The following DSPP variants were observed in gnomAD, a reference collection of about 807,000 sequenced individuals.
The protein encoded by DSPP is dentin sialophosphoprotein.
DSPP carries 28 observed loss-of-function variants against 29.1 expected under a neutral mutation model. That is an observed-to-expected ratio of 0.96 (90% CI 0.71 to 1.32). DSPP has a LOEUF of 1.32. Ranked by LOEUF, DSPP falls within the 40% of genes most tolerant of loss-of-function variation. The probability of loss-of-function intolerance (pLI) is 0.00; values close to 1 mark genes in which losing one functional copy is unlikely to be tolerated. For synonymous variants in DSPP, 481 were observed against 503.4 expected, an observed-to-expected ratio of 0.96 and a Z score of 0.60; for missense variants, 1,281 against 1,629.9, an observed-to-expected ratio of 0.79 and a Z score of 3.69.
rs1445760618 is a variant in DSPP, at chr4:87,615,256, G to A, written c.2594G>A (p.Ser865Asn). Reference protein sequence around the residue: ...SSNRSDSSNSSDSSDSSDSSN... With the variant: ...SSNRSDSSNSNDSSDSSDSSN... ...AATAGAAGTGACAGTAGTAATAGTA[G>A]TGACAGCAGCGATAGCAGTGACAGC... The change falls in exon 5 of 5, where the codon AGT (serine) becomes AAT (asparagine). Residue 865 changes from serine to asparagine, a missense_variant. Transcript: ENST00000651931. The A allele has an allele frequency of 6.5e-7, 1 of 1,544,994 alleles. No homozygotes were observed. Among genetic ancestry groups the A allele is most frequent in the Non-Finnish European group, 8.7e-7 (1 of 1,144,974 alleles).
rs1303003085 is a variant in DSPP, at chr4:87,614,230, A to G, written c.1568A>G (p.Asn523Ser). ...DDSDSTSDTN[N>S]SDSNGNGNNG... ...AGTGATAGCACATCAGACACTAATA[A>G]TAGTGACAGTAATGGCAATGGTAAC... The change falls in exon 5 of 5, where the codon AAT becomes AGT. Residue 523 changes from asparagine (N) to serine (S), a missense_variant. Asn to Ser is a conservative substitution (Grantham distance 46, BLOSUM62 1). Transcript: ENST00000651931. 1.4e-5 allele frequency: 23 copies of G among 1,614,266 alleles called. No individual in the cohort carries two copies. Among genetic ancestry groups the G allele is most frequent in the African/African-American group, 4.0e-5 (3 of 75,074 alleles).
In DSPP at chr4:87,614,040, A is replaced by T. The variant is rs370744424; in HGVS notation, c.1378A>T (p.Met460Leu). ...YDSYDFDDKS[M>L]QGDDPNSSDE... ...CAGTTATGATTTTGATGATAAGTCCATGCAAGGAGATGATCCCAATAGCAG... is the reference window on the plus strand; with the variant it reads ...CAGTTATGATTTTGATGATAAGTCCTTGCAAGGAGATGATCCCAATAGCAG... The change falls in exon 5 of 5, where the codon ATG (methionine) becomes TTG (leucine). Residue 460 changes from methionine to leucine, a missense_variant. Met to Leu is a conservative substitution (Grantham distance 15). This residue lies in a region of DSPP where 631 missense variants were observed against 643.2 expected (regional missense o/e 0.98). Transcript: ENST00000651931. 37 of 1,614,268 alleles carry T rather than the reference A, an allele frequency of 2.3e-5. No homozygotes were observed. The highest frequency in any genetic ancestry group is 2.0e-4 in the East Asian group (9 of 44,884).
At position 87,612,385 on chromosome 4, in the gene DSPP, G is replaced by C; in HGVS notation, c.199G>C (p.Gly67Arg). ...SGVLVHEGDR[G>R]RQENTQDGHK... is the part of the protein sequence containing the mutation. ...TGTCCTGGTGCATGAAGGTGATAGAGGAAGGCAAGAGAATACCCAAGATGG... is the reference window on the plus strand; with the variant it reads ...TGTCCTGGTGCATGAAGGTGATAGACGAAGGCAAGAGAATACCCAAGATGG... Residue 67 changes from glycine (G) to arginine (R), a missense_variant, in exon 4 of 5, where the codon GGA becomes CGA. By Grantham distance (125) the Gly-to-Arg change is moderately radical. This residue lies in a region of DSPP where 631 missense variants were observed against 643.2 expected (regional missense o/e 0.98). Coordinates refer to ENST00000651931, the MANE Select transcript of DSPP (RefSeq NM_014208.3). 1 of 1,614,072 alleles carries C rather than the reference G, an allele frequency of 6.2e-7. No homozygotes were observed. Among genetic ancestry groups the C allele is most frequent in the Non-Finnish European group, 8.5e-7 (1 of 1,180,010 alleles).
In DSPP at chr4:87,614,888, C is replaced by T. The variant is rs1243725271; in HGVS notation, c.2226C>T (p.Asp742=). ...GCAGTGACAGCAGCAACAGCAGTGA[C>T]AGCAGTGATAGCAGTGACAGCAGCA... ...SDSSDSSNSS[D]SSDSSDSSNS... is the part of the protein sequence containing the mutation. Residue 742 remains aspartate (D), a synonymous_variant, in exon 5 of 5, where the codon GAC becomes GAT. Transcript: ENST00000651931. 3.9e-6 allele frequency: 6 copies of T among 1,548,512 alleles called. No homozygotes were observed. Among genetic ancestry groups the T allele is most frequent in the African/African-American group, 1.4e-5 (1 of 72,860 alleles).
At position 87,612,524 on chromosome 4, in the gene DSPP, C is replaced by A; in HGVS notation, c.338C>A (p.Thr113Lys). Residue 113 changes from threonine (T) to lysine (K), a missense_variant, in exon 4 of 5, where the codon ACA becomes AAA. By Grantham distance (78) the Thr-to-Lys change is moderately conservative. Transcript: ENST00000651931. ...EGNIEGWNGD[T>K]GKAETYGHDG... The stretch of plus-strand genomic sequence containing the variant: ...AATATTGAGGGCTGGAATGGGGACA[C>A]AGGAAAAGCAGAAACATATGGTCAT... 1 of 1,613,908 alleles carries A rather than the reference C, an allele frequency of 6.2e-7. No homozygotes were observed. The highest frequency in any genetic ancestry group is 8.5e-7 in the Non-Finnish European group (1 of 1,179,946).
In DSPP at chr4:87,608,769, G is replaced by A. The variant is rs1024777896; in HGVS notation, c.-29+149G>A. The A allele has an allele frequency of 2.6e-5, 4 of 152,138 alleles. No individual in the cohort carries two copies. The East Asian group carries it at 7.7e-4, about 29-fold the overall frequency. 9.4% of individuals were successfully genotyped at this position (152,138 alleles called of 1,614,324 possible). ...TCCTTTTTGACTTGTCATATTGATA[G>A]TATGTATAAAAGATAACGGACAATT... is the stretch of plus-strand genomic sequence containing the variant. On this transcript the variant is annotated intron_variant, in intron 1 of 4. Coordinates refer to ENST00000651931, the MANE Select transcript of DSPP (RefSeq NM_014208.3).
chr4:87,612,421 G>A lies in DSPP; in HGVS notation c.235G>A (p.Glu79Lys), dbSNP rs748231789. The change falls in exon 4 of 5, where the codon GAA (glutamate) becomes AAA (lysine). Residue 79 changes from glutamate (E) to lysine (K), a missense_variant. Transcript: ENST00000651931. ...GAATACCCAAGATGGTCACAAGGGA[G>A]AAGGGAATGGCTCTAAGTGGGCAGA... ...QENTQDGHKG[E>K]GNGSKWAEVG... 1 of 1,614,052 alleles carries A rather than the reference G, an allele frequency of 6.2e-7. No individual in the cohort carries two copies. The highest frequency in any genetic ancestry group is 1.7e-5 in the Admixed American group (1 of 59,994).
intron 1 of DSPP, among the ~76,000 whole-genome samples, chr4:87,609,699 C>T: frequency 6.6e-6 from 1 of 152,158 alleles, no homozygotes; most frequent in Non-Finnish European, 1.5e-5. Flanking sequence ...ATTTTCACTA[C>T]CACCATTAAA....
Position 87,615,046 on chromosome 4 carries a change from G to A in DSPP, c.2384G>A (p.Ser795Asn). Residue 795 changes from serine (S) to asparagine (N), a missense_variant, in exon 5 of 5, where the codon AGT (serine) becomes AAT (asparagine). By Grantham distance (46) the Ser-to-Asn change is conservative. This residue lies in a region of DSPP where 444 missense variants were observed against 611.4 expected (regional missense o/e 0.73). Coordinates refer to ENST00000651931, the MANE Select transcript of DSPP (RefSeq NM_014208.3). ...SNDSSNSSDS[S>N]DSSNSSDSSN... Reference sequence around the variant, plus strand: ...GACAGCAGCAATAGCAGTGACAGCAGTGATAGCAGCAACAGCAGTGATAGC... The same window carrying A: ...GACAGCAGCAATAGCAGTGACAGCAATGATAGCAGCAACAGCAGTGATAGC... 1 of 1,550,534 alleles carries A rather than the reference G, an allele frequency of 6.4e-7. No individual in the cohort carries two copies. The highest frequency in any genetic ancestry group is 8.7e-7 in the Non-Finnish European group (1 of 1,146,428).
intron 2 of DSPP, 62 bp downstream of exon 2, chr4:87,611,021 A>G (rs994468032): frequency 7.2e-7 from 1 of 1,380,298 alleles, no homozygotes; most frequent in African/African-American, 1.7e-5. Context: ...TAACATTAAT[A>G]CAAAATGTAG....
Position 87,612,288 on chromosome 4 carries a change from A to G in DSPP, c.136-34A>G, listed in dbSNP as rs781728187. 2.2e-5 allele frequency: 36 copies of G among 1,613,156 alleles called. No homozygotes were observed. In the South Asian group the frequency reaches 3.2e-4, roughly 14 times the overall value. ...AATTTGCTTTCCTTCAAGATCATTGATACTTATAATTGATTGAATTGTTTC... is the reference window on the plus strand; with the variant it reads ...AATTTGCTTTCCTTCAAGATCATTGGTACTTATAATTGATTGAATTGTTTC... On this transcript the variant is annotated intron_variant, in intron 3 of 4. Transcript: ENST00000651931.
rs369587098 is a variant in DSPP at position 87,616,449 on chromosome 4, T to G, written c.3787T>G (p.Ser1263Ala). Residue 1263 changes from serine (S) to alanine (A), a missense_variant, in exon 5 of 5, where the codon TCT (serine) becomes GCT (alanine). Physicochemically the swap from Ser to Ala is moderately conservative, Grantham distance 99. Transcript: ENST00000651931. ...SDSSDSSDST[S>A]DSNDESDSQS... is the part of the protein sequence containing the mutation. ...CAGCAGTGATAGCAGTGACAGCACA[T>G]CTGACAGCAATGATGAGAGTGACAG... 6.4e-7 allele frequency: 1 copy of G among 1,550,914 alleles called. No homozygotes were observed. The highest frequency in any genetic ancestry group is 2.0e-5 in the Admixed American group (1 of 50,968).
intron 1 of DSPP, among the ~76,000 whole-genome samples, chr4:87,609,894 G>T (rs1173991977): frequency 6.6e-6 from 1 of 152,082 alleles, no homozygotes; most frequent in Admixed American, 6.5e-5. Context: ...ACATGTTTTA[G>T]ACCATTTCTG....
chr4:87,613,644 C>T (rs531649328), intron 4 of DSPP, 141 bp from the exon 5 acceptor site: 1 of 1,270,838 alleles, frequency 7.9e-7, no homozygotes, highest in East Asian at 2.3e-5. Flanking sequence ...GAATAAAGCA[C>T]ATTTTCACAA....
At position 87,615,926 on chromosome 4, in the gene DSPP, TGACAGC is replaced by T; in HGVS notation, c.3265_3270del (p.Asp1089_Ser1090del). On this transcript the variant is annotated inframe_deletion, in exon 5 of 5. Coordinates refer to ENST00000651931, the MANE Select transcript of DSPP (RefSeq NM_014208.3). ...ATAGCAGTGAAAGCAGTGATAGCAG[TGACAGC>T]AGCAATAGCAGTGACAGCAGCGATA... is the stretch of plus-strand genomic sequence containing the variant. 4.2e-5 allele frequency: 6 copies of T among 144,456 alleles called. No individual in the cohort carries two copies. Among genetic ancestry groups the T allele is most frequent in the Non-Finnish European group, 1.9e-5 (2 of 107,522 alleles). 8.9% of individuals were successfully genotyped at this position (144,456 alleles called of 1,614,324 possible). A position where few individuals can be genotyped will look rare whatever the true frequency, so the allele number is the denominator to read the frequency against.
At chr4:87,610,714 G>T (rs1366712633) in intron 1 of DSPP, among the ~76,000 whole-genome samples, 167 bp from the exon 2 acceptor site, 1 of 152,084 alleles carries the variant, frequency 6.6e-6, no homozygotes, top group Non-Finnish European at 1.5e-5. Flanking sequence ...GCCTGGTGAT[G>T]CCCCCATAAC....
At position 87,615,585 on chromosome 4, in the gene DSPP, G is replaced by A. The variant is rs552201357; in HGVS notation, c.2923G>A (p.Asp975Asn). 63 of 1,541,788 alleles carry A rather than the reference G, an allele frequency of 4.1e-5. 1 individual carries two copies. Among genetic ancestry groups the A allele is most frequent in the East Asian group, 1.2e-4 (5 of 40,446 alleles). ...TGACAGCAGTGATAGCAATAGCAGC[G>A]ACAGCAGTGACAGCAGCAACAGCAG... ...SSDSSDSNSSDSSDSSNSSDS... is the reference protein window; with the variant it reads ...SSDSSDSNSSNSSDSSNSSDS... Residue 975 changes from aspartate to asparagine, a missense_variant, in exon 5 of 5, where the codon GAC becomes AAC. By Grantham distance (23) the Asp-to-Asn change is conservative (BLOSUM62 1). This residue lies in a region of DSPP where 444 missense variants were observed against 611.4 expected (regional missense o/e 0.73). Transcript: ENST00000651931.
chr4:87,609,976 A>G (rs1727703507), intron 1 of DSPP, among the ~76,000 whole-genome samples: 1 of 152,228 alleles, frequency 6.6e-6, no homozygotes, highest in African/African-American at 2.4e-5. Context: ...TCATTTATTC[A>G]AAAATTGCAA....
chr4:87,615,872 TGACAGCAGTGACAGCAGC>T lies in DSPP; in HGVS notation c.3222_3239del (p.Asp1077_Ser1082del). 6.6e-7 allele frequency: 1 copy of T among 1,516,210 alleles called. No individual in the cohort carries two copies. The highest frequency in any genetic ancestry group is 8.8e-7 in the Non-Finnish European group (1 of 1,133,340). The allele number at this position is 1,516,210 out of a possible 1,614,324, so 93.9% of individuals were successfully genotyped here. ...ACAGCAGCGACAGCAGTGATAGCAG[TGACAGCAGTGACAGCAGC>T]GACAGCAGTGATAGCAGTGAAAGCA... On this transcript the variant is annotated inframe_deletion, in exon 5 of 5. Transcript: ENST00000651931.
Sources: allele counts gnomAD v4.1 joint callset (sites outside exome capture counted in the v4.1 genomes callset), GRCh38; gene constraint gnomAD v4.1.1; regional missense constraint gnomAD v4.1.1; transcripts MANE v1.5; gene names NCBI Gene and HGNC (gene_info 2026-07-23, HGNC 2026-07-21).